ZNF282: variants seen among roughly 807,000 people sequenced by gnomAD.
ZNF282 encodes HTLV-I U5 repressive element-binding protein 1.
ZNF282 carries 30 observed loss-of-function variants against 61.9 expected under a neutral mutation model. The observed-to-expected ratio is 0.48, with a 90% CI of 0.36 to 0.66. The LOEUF (loss-of-function observed/expected upper bound fraction) is 0.66. Ranked by LOEUF, ZNF282 falls within the 30% of genes least tolerant of loss-of-function variation. The probability of loss-of-function intolerance (pLI) is 0.00; values close to 1 mark genes in which losing one functional copy is unlikely to be tolerated. For synonymous variants in ZNF282, 396 were observed against 405.0 expected, an observed-to-expected ratio of 0.98 and a Z score of 0.27; for missense variants, 788 against 941.4, an observed-to-expected ratio of 0.84 and a Z score of 2.13.
intron 2 of ZNF282, among the ~76,000 whole-genome samples, chr7:149,204,893 C>T (rs1202413): frequency 0.14 from 21,544 of 152,002 alleles, 1,648 homozygotes; most frequent in Middle Eastern, 0.19. Flanking sequence ...CCAAGGCAGG[C>T]GGATCACGGG....
chr7:149,222,243 C>T (rs1055473967), intron 7 of ZNF282, among the ~76,000 whole-genome samples: 1 of 152,172 alleles, frequency 6.6e-6, no homozygotes, highest in Non-Finnish European at 1.5e-5. Context: ...GCCACTGCCA[C>T]GAGTGCAAGG....
chr7:149,213,873 C>A, intron 7 of ZNF282, 59 bp downstream of exon 7: 8 of 1,282,822 alleles, frequency 6.2e-6, no homozygotes, highest in South Asian at 1.2e-5. Flanking sequence ...ACAGCTGAGG[C>A]GTGGACGAAG....
chr7:149,208,634 A>G (rs2129523331), intron 4 of ZNF282, among the ~76,000 whole-genome samples: 1 of 152,284 alleles, frequency 6.6e-6, no homozygotes, highest in East Asian at 1.9e-4. Context: ...ACAGACCATA[A>G]CATTTACTGT....
chr7:149,200,890 C>G (rs1239824058), intron 2 of ZNF282, among the ~76,000 whole-genome samples: 1 of 152,200 alleles, frequency 6.6e-6, no homozygotes, highest in Non-Finnish European at 1.5e-5. Flanking sequence ...AGCCACCACG[C>G]CCAGCTAGTC....
At chr7:149,210,811 G>C in intron 5 of ZNF282, 107 bp downstream of exon 5, 4 of 1,414,940 alleles carry the variant, frequency 2.8e-6, no homozygotes, top group Non-Finnish European at 3.7e-6. Flanking sequence ...CAGGCCAGAG[G>C]GCTGAGCTCG....
rs181664434 is a variant in ZNF282, at chr7:149,196,713, A to G, written c.165+959A>G. Among the ~76,000 whole-genome samples the G allele has an allele frequency of 1.8e-3, 275 of 152,166 alleles. 1 individual carries two copies. The highest frequency in any genetic ancestry group is 6.0e-3 in the African/African-American group (251 of 41,492). ...GGGCCCCGGGACTTTCTTAACTTCT[A>G]CTGTGGACTCTGTCCCCTTCTGTGG... On this transcript the variant is annotated intron_variant, in intron 1 of 7. Transcript: ENST00000610704.
chr7:149,224,581 C>T lies in ZNF282; in HGVS notation c.1950C>T (p.Arg650=), dbSNP rs747421325. ...AGGAGTCGCTCAAGGACCACCTGCG[C>T]GTGCACAGCGGCGGCCCGGGCCCCG... ...RYKESLKDHL[R]VHSGGPGPGA... Residue 650 remains arginine (R), a synonymous_variant, in exon 8 of 8, where the codon CGC becomes CGT. Coordinates refer to ENST00000610704, the MANE Select transcript of ZNF282 (RefSeq NM_003575.4). 21 of 1,591,708 alleles carry T rather than the reference C, an allele frequency of 1.3e-5. No homozygotes were observed. The highest frequency in any genetic ancestry group is 1.8e-5 in the Non-Finnish European group (21 of 1,172,768).
chr7:149,209,748 C>G (rs1284670684), intron 4 of ZNF282, among the ~76,000 whole-genome samples: 1 of 152,124 alleles, frequency 6.6e-6, no homozygotes, highest in East Asian at 1.9e-4. Flanking sequence ...GGTGCCTGAG[C>G]CTCCTCTTGC....
intron 4 of ZNF282, 141 bp downstream of exon 4, chr7:149,207,611 CCA>C (rs1324276930): frequency 1.3e-5 from 17 of 1,308,998 alleles, no homozygotes; most frequent in Non-Finnish European, 1.7e-5. Flanking sequence ...GCCAGTTCTG[CCA>C]GAGTCGAAAT....
At chr7:149,220,901 T>C (rs1585576380) in intron 7 of ZNF282, among the ~76,000 whole-genome samples, 1 of 131,154 alleles carries the variant, frequency 7.6e-6, no homozygotes, top group Admixed American at 8.5e-5. Context: ...CCAGGCTGTG[T>C]GGAGGCCCCT....
At chr7:149,217,885 G>A (rs1796183673) in intron 7 of ZNF282, among the ~76,000 whole-genome samples, 1 of 152,112 alleles carries the variant, frequency 6.6e-6, no homozygotes, top group Admixed American at 6.5e-5. Flanking sequence ...TGGAGCCGTA[G>A]ACTGAGGCAC....
intron 4 of ZNF282, among the ~76,000 whole-genome samples, chr7:149,207,718 CAAGT>C (rs1009830457): frequency 4.6e-5 from 7 of 152,206 alleles, no homozygotes; most frequent in African/African-American, 9.7e-5. Context: ...TCTGGACTCT[CAAGT>C]AAGCTGGGTG....
intron 7 of ZNF282, among the ~76,000 whole-genome samples, chr7:149,215,333 G>T (rs571571145): frequency 6.6e-6 from 1 of 151,410 alleles, no homozygotes; most frequent in East Asian, 2.0e-4. Flanking sequence ...CTCCCGAGTA[G>T]CTGGGATTAC....
At chr7:149,204,210 G>T (rs114055005) in intron 2 of ZNF282, among the ~76,000 whole-genome samples, 1 of 152,128 alleles carries the variant, frequency 6.6e-6, no homozygotes, top group African/African-American at 2.4e-5. Flanking sequence ...CATAATTACG[G>T]GAACCAAGCA....
In ZNF282 at chr7:149,223,127, A is replaced by G. The variant is rs1483791078; in HGVS notation, c.1181-685A>G. Reference sequence around the variant, plus strand: ...GTAGCTGGGATTACATGCATGGGCCACCACTCCCGGCTAATTTTGTATTTT... The same window carrying G: ...GTAGCTGGGATTACATGCATGGGCCGCCACTCCCGGCTAATTTTGTATTTT... On this transcript the variant is annotated intron_variant, in intron 7 of 7. Transcript: ENST00000610704. 2.6e-5 allele frequency among the ~76,000 whole-genome samples: 4 copies of G among 151,626 alleles called. No individual in the cohort carries two copies. The South Asian group carries it at 6.2e-4, about 24-fold the overall frequency.
intron 7 of ZNF282, 77 bp downstream of exon 7, chr7:149,213,891 C>T (rs1796123846): frequency 3.1e-6 from 3 of 977,228 alleles, no homozygotes; most frequent in African/African-American, 1.6e-5. Flanking sequence ...AAGGCTGGTC[C>T]TCTTCTCAGC....
intron 7 of ZNF282, among the ~76,000 whole-genome samples, chr7:149,218,115 A>G (rs1796187254): frequency 6.6e-6 from 1 of 151,008 alleles, no homozygotes; most frequent in Non-Finnish European, 1.5e-5. Context: ...AAAAAAAAAA[A>G]AAAAAGAGAG....
At position 149,198,311 on chromosome 7, in the gene ZNF282, C is replaced by T. The variant is rs142596469; in HGVS notation, c.166-22C>T. 228 of 1,576,174 alleles carry T rather than the reference C, an allele frequency of 1.4e-4. No individual in the cohort carries two copies. The African/African-American group carries it at 2.4e-3, about 17-fold the overall frequency. On this transcript the variant is annotated intron_variant, in intron 1 of 7. Coordinates refer to ENST00000610704, the MANE Select transcript of ZNF282 (RefSeq NM_003575.4). This position sits in a 1 kb window ranked among gnomAD's most constrained non-coding sequence, Gnocchi z 4.3. Reference sequence around the variant, plus strand: ...CACACAAGGTCTCATCCTGGGTTGTCGCTTTCTCCCTCTGCATACAGGCTC... The same window carrying T: ...CACACAAGGTCTCATCCTGGGTTGTTGCTTTCTCCCTCTGCATACAGGCTC...
chr7:149,220,092 A>G (rs2129523682), intron 7 of ZNF282, among the ~76,000 whole-genome samples: 1 of 152,258 alleles, frequency 6.6e-6, no homozygotes, highest in Non-Finnish European at 1.5e-5. Context: ...CAACTACTTT[A>G]GAACCCTGAT....
Sources: allele counts gnomAD v4.1 joint callset (sites outside exome capture counted in the v4.1 genomes callset), GRCh38; gene constraint gnomAD v4.1.1; non-coding constraint Gnocchi (gnomAD v3.1); transcripts MANE v1.5; gene names NCBI Gene and HGNC (gene_info 2026-07-23, HGNC 2026-07-21).